Variants in SGSM3 observed in about 807,000 individuals in gnomAD.
SGSM3 encodes RUN and SH3 containing 3.
Under a neutral mutation model 100.5 loss-of-function variants are expected in SGSM3, and 96 were observed. The ratio of observed to expected loss-of-function variants is 0.96; its 90% CI spans 0.81 to 1.13. The LOEUF is 1.13. Ranked by LOEUF, SGSM3 falls within the 50% of genes most tolerant of loss-of-function variation. The probability of loss-of-function intolerance (pLI) is 0.00; values close to 1 mark genes in which losing one functional copy is unlikely to be tolerated. For synonymous variants in SGSM3, 483 were observed against 422.8 expected (o/e 1.14, Z -1.75); for missense variants, 1,001 against 1,015.8 (o/e 0.99, Z 0.20).
chr22:40,406,565 A>C lies in SGSM3; in HGVS notation c.1088A>C (p.Asp363Ala). The change falls in exon 10 of 22, where the codon GAT becomes GCT. Residue 363 changes from aspartate to alanine, a missense_variant. Asp to Ala is a moderately radical substitution (Grantham distance 126). Transcript: ENST00000248929. ...ATGCGGCTGGCCGGCTCCCTCACCG[A>C]TGTGGCCGTGGAGACTCAGCGCCGC... is the stretch of plus-strand genomic sequence containing the variant. ...VAMRLAGSLT[D>A]VAVETQRRKH... 1 of 1,613,036 alleles carries C rather than the reference A, an allele frequency of 6.2e-7. No individual in the cohort carries two copies. Among genetic ancestry groups the C allele is most frequent in the Non-Finnish European group, 8.5e-7 (1 of 1,179,896 alleles).
Position 40,401,531 on chromosome 22 carries a change from C to A in SGSM3, c.8-62C>A, listed in dbSNP as rs185291610. 31 of 1,329,226 alleles carry A rather than the reference C, an allele frequency of 2.3e-5. No individual in the cohort carries two copies. The East Asian group carries it at 6.8e-4, about 29-fold the overall frequency. The allele number at this position is 1,329,226 out of a possible 1,614,324, so 82.3% of individuals were successfully genotyped here. A position where few individuals can be genotyped will look rare whatever the true frequency, so the allele number is the denominator to read the frequency against. ...AAAGTACTGAGATTACAGGCGTGAGCCACTGCGCCTGGCCTGCCTCTGCAT... is the reference window on the plus strand; with the variant it reads ...AAAGTACTGAGATTACAGGCGTGAGACACTGCGCCTGGCCTGCCTCTGCAT... On this transcript the variant is annotated intron_variant, in intron 2 of 21. Coordinates refer to ENST00000248929, the MANE Select transcript of SGSM3 (RefSeq NM_015705.6).
At chr22:40,393,468 T>C (rs2049629301) in intron 1 of SGSM3, among the ~76,000 whole-genome samples, 2 of 152,204 alleles carry the variant, frequency 1.3e-5, no homozygotes. Context: ...TGCTGATGAT[T>C]CCACTTTTCT....
chr22:40,408,876 C>G (rs745319420), intron 18 of SGSM3, 34 bp downstream of exon 18: 2 of 1,613,708 alleles, frequency 1.2e-6, no homozygotes, highest in African/African-American at 2.7e-5. Context: ...CCCTAGAGAC[C>G]TCTCTGGGGT....
intron 1 of SGSM3, among the ~76,000 whole-genome samples, chr22:40,400,410 G>A (rs191545443): frequency 4.6e-5 from 7 of 152,268 alleles, no homozygotes; most frequent in Admixed American, 1.3e-4. Context: ...TTGGGAGGCC[G>A]AGGCCGGCGG....
At chr22:40,396,846 G>T (rs1053911722) in intron 1 of SGSM3, among the ~76,000 whole-genome samples, 1 of 152,060 alleles carries the variant, frequency 6.6e-6, no homozygotes, top group Non-Finnish European at 1.5e-5. Context: ...GGGAAAACAG[G>T]GTGTATAGTA....
At chr22:40,402,016 C>T in intron 3 of SGSM3, 123 bp from the exon 4 acceptor site, 1 of 735,656 alleles carries the variant, frequency 1.4e-6, no homozygotes, top group Non-Finnish European at 2.4e-6. Flanking sequence ...GGAAGAGTAG[C>T]CTTTGATCTG....
chr22:40,380,440 C>T (rs2047383218), intron 1 of SGSM3, among the ~76,000 whole-genome samples: 2 of 150,182 alleles, frequency 1.3e-5, no homozygotes, highest in South Asian at 2.1e-4. Flanking sequence ...TATCTCAGCT[C>T]ACTGTAACCT....
chr22:40,407,032 A>C lies in SGSM3; in HGVS notation c.1201A>C (p.Thr401Pro). 6.3e-7 allele frequency: 1 copy of C among 1,581,572 alleles called. No individual in the cohort carries two copies. Among genetic ancestry groups the C allele is most frequent in the Non-Finnish European group, 8.6e-7 (1 of 1,163,636 alleles). The change falls in exon 11 of 22, where the codon ACC (threonine) becomes CCC (proline). Residue 401 changes from threonine (T) to proline (P), a missense_variant. Coordinates refer to ENST00000248929, the MANE Select transcript of SGSM3 (RefSeq NM_015705.6). The surrounding 1 kb of genome is among the most constrained non-coding windows in gnomAD (Gnocchi z 4.7). ...CTTGGTGCAGGTTGTTCGCCGCAGGACCCAGCGGAGGAAGTCCACCATCAC... is the reference window on the plus strand; with the variant it reads ...CTTGGTGCAGGTTGTTCGCCGCAGGCCCCAGCGGAGGAAGTCCACCATCAC... ...TNLSQVVRRR[T>P]QRRKSTITAL...
intron 1 of SGSM3, among the ~76,000 whole-genome samples, chr22:40,400,248 G>A (rs1049812904): frequency 6.6e-6 from 1 of 152,154 alleles, no homozygotes; most frequent in African/African-American, 2.4e-5. Flanking sequence ...TTCAAAAACC[G>A]GAATGTAACT....
intron 1 of SGSM3, among the ~76,000 whole-genome samples, chr22:40,389,256 G>A (rs2048966044): frequency 6.6e-6 from 1 of 152,166 alleles, no homozygotes; most frequent in African/African-American, 2.4e-5. Context: ...GTGTTAAGGA[G>A]GGGAAGTGAT....
At chr22:40,392,226 T>C (rs914935016) in intron 1 of SGSM3, among the ~76,000 whole-genome samples, 15 of 151,990 alleles carry the variant, frequency 9.9e-5, no homozygotes, top group African/African-American at 3.4e-4. Flanking sequence ...TTTTTTTTTT[T>C]CCAGTGATTA....
Position 40,410,218 on chromosome 22 carries a change from G to C in SGSM3, c.*459G>C. The stretch of plus-strand genomic sequence containing the variant: ...CACTGCGTGGCCCCTCAGATGCTGG[G>C]ACACAACAGACCCGGGACCCAGCTG... On this transcript the variant is annotated 3_prime_UTR_variant, in exon 22 of 22. Coordinates refer to ENST00000248929, the MANE Select transcript of SGSM3 (RefSeq NM_015705.6). 1 of 1,056,892 alleles carries C rather than the reference G, an allele frequency of 9.5e-7. No homozygotes were observed. The highest frequency in any genetic ancestry group is 1.1e-6 in the Non-Finnish European group (1 of 874,136). The allele number at this position is 1,056,892 out of a possible 1,614,324, so 65.5% of individuals were successfully genotyped here. A position where few individuals can be genotyped will look rare whatever the true frequency, so the allele number is the denominator to read the frequency against.
Position 40,401,147 on chromosome 22 carries a change from G to C in SGSM3, c.7+334G>C, listed in dbSNP as rs542749428. Among the ~76,000 whole-genome samples the C allele has an allele frequency of 5.9e-5, 9 of 152,246 alleles. No individual in the cohort carries two copies. In the South Asian group the frequency reaches 1.9e-3, roughly 32 times the overall value. On this transcript the variant is annotated intron_variant, in intron 2 of 21. Transcript: ENST00000248929. ...ATTTCTAGGAGGTTTCTTTCACTCTGCTCCTTCCCTACCCAGCACGCTTGA... is the reference window on the plus strand; with the variant it reads ...ATTTCTAGGAGGTTTCTTTCACTCTCCTCCTTCCCTACCCAGCACGCTTGA...
Position 40,396,571 on chromosome 22 carries a change from C to T in SGSM3, c.-111-4125C>T, listed in dbSNP as rs188436078. 7.2e-3 allele frequency among the ~76,000 whole-genome samples: 906 copies of T among 125,172 alleles called. 10 individuals carry two copies. Among genetic ancestry groups the T allele is most frequent in the Middle Eastern group, 0.068 (12 of 176 alleles). 82.1% of individuals were successfully genotyped at this position (125,172 alleles called of 152,430 possible). A position where few individuals can be genotyped will look rare whatever the true frequency, so the allele number is the denominator to read the frequency against. On this transcript the variant is annotated intron_variant, in intron 1 of 21. Transcript: ENST00000248929. ...TTGCGCCACTGCACTCCAGCCTGGG[C>T]GACAGAGTGAGACTCTGTCTCAAAA...
In SGSM3 at chr22:40,407,018, T is replaced by C. The variant is rs371800569; in HGVS notation, c.1187T>C (p.Val396Ala). ...CCTGACCCACTCCTCTTGGTGCAGG[T>C]TGTTCGCCGCAGGACCCAGCGGAGG... ...GAGTLTNLSQVVRRRTQRRKS... is the reference protein window; with the variant it reads ...GAGTLTNLSQAVRRRTQRRKS... The change falls in exon 11 of 22, where the codon GTT becomes GCT. Residue 396 changes from valine to alanine, a missense_variant and splice_region_variant. Transcript: ENST00000248929. The surrounding 1 kb of genome is among the most constrained non-coding windows in gnomAD (Gnocchi z 4.7). 4.8e-5 allele frequency: 75 copies of C among 1,572,140 alleles called. No homozygotes were observed. Among genetic ancestry groups the C allele is most frequent in the Middle Eastern group, 3.4e-4 (2 of 5,890 alleles).
At position 40,407,073 on chromosome 22, in the gene SGSM3, T is replaced by TGA. The variant is rs774286060; in HGVS notation, c.1240+6_1240+7dup. 38 of 1,596,524 alleles carry TGA rather than the reference T, an allele frequency of 2.4e-5. No homozygotes were observed. ...CCACCATCACTGCTCTGCTCTTCGG[T>TGA]GAGAGCTCTGCGAGTGCCAGGCAGT... On this transcript the variant is annotated splice_region_variant and intron_variant, in intron 11 of 21. Coordinates refer to ENST00000248929, the MANE Select transcript of SGSM3 (RefSeq NM_015705.6). This position sits in a 1 kb window ranked among gnomAD's most constrained non-coding sequence, Gnocchi z 4.7.
In SGSM3 at chr22:40,409,516, G is replaced by A. The variant is rs185553417; in HGVS notation, c.2163G>A (p.Ala721=). The A allele has an allele frequency of 1.1e-4, 171 of 1,598,612 alleles. No individual in the cohort carries two copies. Among genetic ancestry groups the A allele is most frequent in the Non-Finnish European group, 1.2e-4 (146 of 1,172,622 alleles). ...TCTCCCAGGACTGGGAGCTCCCTGC[G>A]AAGAGAGAGGTGGGTGGTGTGGGCC... ...FSLSQDWELP[A]KREAQQPLKE... is the part of the protein sequence containing the mutation. Residue 721 remains alanine (A), a synonymous_variant, in exon 21 of 22, where the codon GCG becomes GCA. Transcript: ENST00000248929.
chr22:40,401,525 C>T (rs943416823), intron 2 of SGSM3, 68 bp from the exon 3 acceptor site: 20 of 1,256,592 alleles, frequency 1.6e-5, no homozygotes, highest in African/African-American at 8.9e-5. Flanking sequence ...AGATTACAGG[C>T]GTGAGCCACT....
rs140171707 is a variant in SGSM3, at chr22:40,380,493, A to G, written c.-112+9805A>G. 1.8e-4 allele frequency among the ~76,000 whole-genome samples: 28 copies of G among 151,480 alleles called. No individual in the cohort carries two copies. The East Asian group carries it at 5.5e-3, about 30-fold the overall frequency. On this transcript the variant is annotated intron_variant, in intron 1 of 21. Transcript: ENST00000248929. ...GCAATTCTCCCACCTCAGCATCCCGAGTAGTTGGGATTAGAGGCATGCCCC... is the reference window on the plus strand; with the variant it reads ...GCAATTCTCCCACCTCAGCATCCCGGGTAGTTGGGATTAGAGGCATGCCCC...
Sources: allele counts gnomAD v4.1 joint callset (sites outside exome capture counted in the v4.1 genomes callset), GRCh38; gene constraint gnomAD v4.1.1; non-coding constraint Gnocchi (gnomAD v3.1); transcripts MANE v1.5; gene names NCBI Gene and HGNC (gene_info 2026-07-23, HGNC 2026-07-21).